The following GNE variants were observed in gnomAD, a reference collection of about 807,000 sequenced individuals.
The protein encoded by GNE is glucosamine (UDP-N-acetyl)-2-epimerase/N-acetylmannosamine kinase, also known as bifunctional UDP-N-acetylglucosamine 2-epimerase/N-acetylmannosamine kinase.
GNE carries 41 observed loss-of-function variants against 61.8 expected under a neutral mutation model. The ratio of observed to expected loss-of-function variants is 0.66; its 90% CI spans 0.52 to 0.86. GNE has a LOEUF of 0.86. GNE is among the 40% of genes least tolerant of loss of function. The pLI, the probability that GNE is intolerant of heterozygous loss-of-function variation, is 0.00. For missense variants in GNE, 608 were observed against 909.1 expected, an observed-to-expected ratio of 0.67 and a Z score of 4.26; for synonymous variants, 264 against 326.4, an observed-to-expected ratio of 0.81 and a Z score of 2.06.
rs193051585 is a variant in GNE at position 36,249,644 on chromosome 9, C to T, written c.-42-247G>A. On this transcript the variant is annotated intron_variant, in intron 1 of 11. Transcript: ENST00000642385. ...CTGTAATCCCAGCACTTTGGGAGGC[C>T]GAGGTGGGCAGATCACGAGGTCAGG... Among the ~76,000 whole-genome samples, 506 of 151,878 alleles carry T rather than the reference C, an allele frequency of 3.3e-3. 10 individuals are homozygous for T. Among genetic ancestry groups the T allele is most frequent in the Admixed American group, 0.026 (403 of 15,212 alleles).
intron 10 of GNE, among the ~76,000 whole-genome samples, chr9:36,219,482 T>TAA (rs376181501): frequency 2.3e-4 from 35 of 152,352 alleles, no homozygotes; most frequent in African/African-American, 8.2e-4. Context: ...ATACTACACA[T>TAA]ACAGTGCATG....
chr9:36,267,217 T>A (rs577081300), intron 1 of GNE, among the ~76,000 whole-genome samples: 1 of 152,356 alleles, frequency 6.6e-6, no homozygotes, highest in South Asian at 2.1e-4. Flanking sequence ...AATTTATATT[T>A]CAGGACCATT....
intron 9 of GNE, among the ~76,000 whole-genome samples, 199 bp downstream of exon 9, chr9:36,222,578 C>T (rs1828646268): frequency 6.6e-6 from 1 of 152,180 alleles, no homozygotes; most frequent in Admixed American, 6.5e-5. Flanking sequence ...ATAGCTCTGA[C>T]AAGTTCCTGG....
intron 4 of GNE, among the ~76,000 whole-genome samples, chr9:36,235,400 T>C (rs1829347789): frequency 6.6e-6 from 1 of 152,164 alleles, no homozygotes; most frequent in African/African-American, 2.4e-5. Flanking sequence ...ATTTTCCTAT[T>C]GTTCCCTGTG....
At chr9:36,234,825 A>G (rs981132085) in intron 4 of GNE, among the ~76,000 whole-genome samples, 1 of 152,158 alleles carries the variant, frequency 6.6e-6, no homozygotes. Flanking sequence ...GGTGCCACTC[A>G]TTTAACCAAA....
In GNE at chr9:36,220,024, C is replaced by A. The variant is rs1021602666; in HGVS notation, c.1634-4G>T. 5 of 1,612,786 alleles carry A rather than the reference C, an allele frequency of 3.1e-6. No individual in the cohort carries two copies. In the African/African-American group the frequency reaches 6.7e-5, roughly 22 times the overall value. On this transcript the variant is annotated splice_polypyrimidine_tract_variant and splice_region_variant and intron_variant, in intron 9 of 11. Coordinates refer to ENST00000642385, the MANE Select transcript of GNE (RefSeq NM_005476.7). The stretch of plus-strand genomic sequence containing the variant: ...TGGATAATTCCACCACCGATTCCTA[C>A]AGCGAGGGATAGAAATCACTGAGGG...
At chr9:36,243,208 C>CT (rs1270474194) in intron 3 of GNE, among the ~76,000 whole-genome samples, 1 of 152,092 alleles carries the variant, frequency 6.6e-6, no homozygotes, top group Non-Finnish European at 1.5e-5. Context: ...TCACACCCGG[C>CT]TGATTTTTGT....
intron 1 of GNE, among the ~76,000 whole-genome samples, chr9:36,273,660 C>CTTT (rs11307863): frequency 7.2e-6 from 1 of 139,512 alleles, no homozygotes; most frequent in Non-Finnish European, 1.6e-5. Context: ...ATTTGGAACT[C>CTTT]TTTTTTTTTT....
intron 1 of GNE, among the ~76,000 whole-genome samples, chr9:36,257,802 CA>C (rs60845805): frequency 0.015 from 390 of 25,204 alleles, no homozygotes; most frequent in Non-Finnish European, 0.023. Context: ...GACTCAGTCT[CA>C]AAAAAAAAAA....
At chr9:36,238,838 A>T (rs1829515975) in intron 3 of GNE, among the ~76,000 whole-genome samples, 1 of 152,180 alleles carries the variant, frequency 6.6e-6, no homozygotes, top group Admixed American at 6.6e-5. Context: ...GGGTTTTCCC[A>T]TGTAATCTTC....
chr9:36,220,563 C>T lies in GNE; in HGVS notation c.1634-543G>A, dbSNP rs190418397. The stretch of plus-strand genomic sequence containing the variant: ...TTAATATATCCTTAATGGCTTTCTT[C>T]CTGCTCTGTTTCATTCTTCCCACTC... On this transcript the variant is annotated intron_variant, in intron 9 of 11. Transcript: ENST00000642385. Among the ~76,000 whole-genome samples the T allele has an allele frequency of 3.3e-5, 5 of 152,274 alleles. No individual in the cohort carries two copies. In the East Asian group the frequency reaches 9.6e-4, roughly 29 times the overall value.
Position 36,217,311 on chromosome 9 carries a change from A to T in GNE, c.*54T>A. On this transcript the variant is annotated 3_prime_UTR_variant, in exon 12 of 12. Transcript: ENST00000642385. ...AGAAACGGTCATCCTAAAGACAAGA[A>T]CTTGATTCCACTCAGGAGCTCTGGA... is the stretch of plus-strand genomic sequence containing the variant. 8.6e-7 allele frequency: 1 copy of T among 1,167,114 alleles called. No homozygotes were observed. The highest frequency in any genetic ancestry group is 1.3e-6 in the Non-Finnish European group (1 of 783,906). 72.3% of individuals were successfully genotyped at this position (1,167,114 alleles called of 1,614,324 possible).
intron 1 of GNE, among the ~76,000 whole-genome samples, chr9:36,257,626 ACC>A (rs1830416527): frequency 6.6e-6 from 1 of 150,940 alleles, no homozygotes; most frequent in Non-Finnish European, 1.5e-5. Flanking sequence ...ACATGGTGAA[ACC>A]CCGTCTCTAC....
intron 1 of GNE, among the ~76,000 whole-genome samples, chr9:36,275,897 TA>T (rs2133206879): frequency 6.6e-6 from 1 of 152,296 alleles, no homozygotes; most frequent in East Asian, 1.9e-4. Flanking sequence ...TAAGGCCAGG[TA>T]CAGGGGCTCA....
At chr9:36,259,679 G>T (rs927341486), upstream of GNE, among the ~76,000 whole-genome samples, 26 of 152,266 alleles carry the variant, frequency 1.7e-4, no homozygotes, top group Admixed American at 2.6e-4. Context: ...GTTTGTTTTT[G>T]AGACAGGGTC....
chr9:36,257,215 T>C (rs973408266), intron 1 of GNE, among the ~76,000 whole-genome samples: 37 of 152,200 alleles, frequency 2.4e-4, no homozygotes, highest in African/African-American at 8.7e-4. Context: ...AGTGTTTGCC[T>C]TGTGTCTGTT....
intron 1 of GNE, among the ~76,000 whole-genome samples, chr9:36,273,950 A>C (rs2133203390): frequency 6.6e-6 from 1 of 152,032 alleles, no homozygotes; most frequent in South Asian, 2.1e-4. Flanking sequence ...GGAACTCTTT[A>C]ATGGTATTTT....
chr9:36,261,409 C>T (rs180876649), upstream of GNE, among the ~76,000 whole-genome samples: 1,093 of 151,334 alleles, frequency 7.2e-3, 12 homozygotes, highest in African/African-American at 0.024. Flanking sequence ...CAAAATTAGC[C>T]GGGGATGGTG....
At chr9:36,272,958 G>A (rs1471252972) in intron 1 of GNE, among the ~76,000 whole-genome samples, 5 of 146,750 alleles carry the variant, frequency 3.4e-5, no homozygotes, top group South Asian at 2.2e-4. Context: ...GGTGGCGTGC[G>A]CCTGTAGTCC....
Sources: allele counts gnomAD v4.1 joint callset (sites outside exome capture counted in the v4.1 genomes callset), GRCh38; gene constraint gnomAD v4.1.1; transcripts MANE v1.5; gene names NCBI Gene and HGNC (gene_info 2026-07-23, HGNC 2026-07-21).